AQP10: variants seen among roughly 807,000 people sequenced by gnomAD.
AQP10 encodes the protein aquaporin-10.
AQP10 carries 15 observed loss-of-function variants against 21.0 expected under a neutral mutation model. That is an observed-to-expected ratio of 0.71 (90% CI 0.48 to 1.10). The LOEUF (loss-of-function observed/expected upper bound fraction) is 1.10, where lower values mean the gene tolerates loss of function less well. AQP10 is among the 50% of genes least tolerant of loss of function. AQP10 has a pLI of 0.00. For synonymous variants in AQP10, 143 were observed against 155.7 expected (o/e 0.92, Z 0.61); for missense variants, 268 against 379.5 (o/e 0.71, Z 2.44).
At position 154,321,110 on chromosome 1, in the gene AQP10, C is replaced by T. The variant is rs1685631808; in HGVS notation, c.-46C>T. 2 of 1,511,648 alleles carry T rather than the reference C, an allele frequency of 1.3e-6. No homozygotes were observed. Among genetic ancestry groups the T allele is most frequent in the South Asian group, 2.3e-5 (2 of 85,188 alleles). 93.6% of individuals were successfully genotyped at this position (1,511,648 alleles called of 1,614,324 possible). A position where few individuals can be genotyped will look rare whatever the true frequency, so the allele number is the denominator to read the frequency against. ...CAGTAGCTGTGCAGTGACAGTGTGC[C>T]TATGCAGACAGAGGGAGCAGTGAAT... On this transcript the variant is annotated 5_prime_UTR_variant, in exon 1 of 6. Transcript: ENST00000324978.
At chr1:154,321,874 A>C in intron 1 of AQP10, 59 bp from the exon 2 acceptor site, 1 of 1,605,196 alleles carries the variant, frequency 6.2e-7, no homozygotes, top group Non-Finnish European at 8.5e-7. Flanking sequence ...GGCCTTCCCA[A>C]CCTTTCTCCC....
At chr1:154,322,889 A>C in intron 2 of AQP10, 93 bp from the exon 3 acceptor site, 1 of 1,483,896 alleles carries the variant, frequency 6.7e-7, no homozygotes, top group Non-Finnish European at 9.3e-7. Flanking sequence ...TATCTGCCTT[A>C]AGAGCTATAG....
In AQP10 at chr1:154,323,203, G is replaced by C; in HGVS notation, c.371-38G>C. On this transcript the variant is annotated intron_variant, in intron 3 of 5. Coordinates refer to ENST00000324978, the MANE Select transcript of AQP10 (RefSeq NM_080429.3). This position sits in a 1 kb window ranked among gnomAD's most constrained non-coding sequence, Gnocchi z 4.5. Reference sequence around the variant, plus strand: ...CCTCAGAATGGTTTTGGATGAATGAGCAAAGAGGGAAATCCTGGGTGTTCC... The same window carrying C: ...CCTCAGAATGGTTTTGGATGAATGACCAAAGAGGGAAATCCTGGGTGTTCC... 1 of 1,613,696 alleles carries C rather than the reference G, an allele frequency of 6.2e-7. No individual in the cohort carries two copies. Among genetic ancestry groups the C allele is most frequent in the South Asian group, 1.1e-5 (1 of 91,074 alleles).
chr1:154,322,867 T>A lies in AQP10; in HGVS notation c.233-115T>A, dbSNP rs1448777231. 3.0e-6 allele frequency: 4 copies of A among 1,323,186 alleles called. No individual in the cohort carries two copies. In the East Asian group the frequency reaches 9.4e-5, roughly 31 times the overall value. 82.0% of individuals were successfully genotyped at this position (1,323,186 alleles called of 1,614,324 possible). A position where few individuals can be genotyped will look rare whatever the true frequency, so the allele number is the denominator to read the frequency against. On this transcript the variant is annotated intron_variant, in intron 2 of 5. Coordinates refer to ENST00000324978, the MANE Select transcript of AQP10 (RefSeq NM_080429.3). The stretch of plus-strand genomic sequence containing the variant: ...AGCCTCAATTTCCTAAGCTGTGTGA[T>A]GAGAATTACACTATCTGCCTTAAGA...
At chr1:154,322,118 T>A in intron 2 of AQP10, 59 bp downstream of exon 2, 11 of 1,601,880 alleles carry the variant, frequency 6.9e-6, no homozygotes, top group Non-Finnish European at 9.4e-6. Context: ...AGTTTGTCTG[T>A]CTGGTGATGG....
chr1:154,322,241 T>C (rs1397923886), intron 2 of AQP10, among the ~76,000 whole-genome samples, 182 bp downstream of exon 2: 4 of 152,204 alleles, frequency 2.6e-5, no homozygotes, highest in African/African-American at 9.6e-5. Flanking sequence ...CTCTCCATCC[T>C]GCTTCCTCAC....
intron 2 of AQP10, 93 bp downstream of exon 2, chr1:154,322,152 C>T: frequency 6.5e-7 from 1 of 1,538,446 alleles, no homozygotes; most frequent in Non-Finnish European, 8.8e-7. Context: ...CCTTCTGTGA[C>T]TCGTGGACAT....
In AQP10 at chr1:154,323,291, G is replaced by T. The variant is rs1232986569; in HGVS notation, c.421G>T (p.Glu141Ter). Residue 141 changes from glutamate to a stop codon, truncating the protein, a stop_gained, in exon 4 of 6, where the codon GAG (glutamate) becomes TAG (stop). Coordinates refer to ENST00000324978, the MANE Select transcript of AQP10 (RefSeq NM_080429.3). LOFTEE classifies it high-confidence loss of function. This position sits in a 1 kb window ranked among gnomAD's most constrained non-coding sequence, Gnocchi z 4.5. ...GAACCTGACAGTGACTGGCCCCAAG[G>T]AGACAGCCTCCATTTTTGCCACCTA... ...GGNLTVTGPK[E>*]TASIFATYPA... 1 of 1,614,044 alleles carries T rather than the reference G, an allele frequency of 6.2e-7. No individual in the cohort carries two copies. The highest frequency in any genetic ancestry group is 8.5e-7 in the Non-Finnish European group (1 of 1,180,042).
intron 1 of AQP10, among the ~76,000 whole-genome samples, 187 bp downstream of exon 1, chr1:154,321,447 T>G (rs114603881): frequency 0.023 from 3,526 of 152,350 alleles, 63 homozygotes; most frequent in Non-Finnish European, 0.037. Flanking sequence ...TCTTGTCATT[T>G]TTATTCTTTC....
At chr1:154,321,453 C>A (rs952008220) in intron 1 of AQP10, among the ~76,000 whole-genome samples, 193 bp downstream of exon 1, 3 of 151,984 alleles carry the variant, frequency 2.0e-5, no homozygotes, top group African/African-American at 7.2e-5. Flanking sequence ...CATTTTTATT[C>A]TTTCTTTAAT....
In AQP10 at chr1:154,323,565, C is replaced by T. The variant is rs760289199; in HGVS notation, c.490-24C>T. On this transcript the variant is annotated intron_variant, in intron 4 of 5. Transcript: ENST00000324978. This position sits in a 1 kb window ranked among gnomAD's most constrained non-coding sequence, Gnocchi z 4.5. ...GGAGCACCTGGCAGCTGACAGGGAA[C>T]CCTCTGCCTCTGTTGACTCCAAGGT... 2 of 1,603,340 alleles carry T rather than the reference C, an allele frequency of 1.2e-6. No homozygotes were observed. The highest frequency in any genetic ancestry group is 1.7e-6 in the Non-Finnish European group (2 of 1,171,852).
intron 2 of AQP10, 106 bp from the exon 3 acceptor site, chr1:154,322,876 C>A: frequency 7.1e-7 from 1 of 1,399,626 alleles, no homozygotes; most frequent in East Asian, 2.3e-5. Context: ...ATGAGAATTA[C>A]ACTATCTGCC....
rs767050842 is a variant in AQP10, at chr1:154,323,058, C to T, written c.309C>T (p.Tyr103=). ...TCCCCTGGGTCAAGCTCCCCATTTA[C>T]ATCTTGGTGCAGTTGCTGTCTGCTT... ...GRLPWVKLPI[Y]ILVQLLSAFC... is the part of the protein sequence containing the mutation. The change falls in exon 3 of 6, where the codon TAC becomes TAT. Residue 103 remains tyrosine, a synonymous_variant. Transcript: ENST00000324978. The surrounding 1 kb of genome is among the most constrained non-coding windows in gnomAD (Gnocchi z 4.5). The T allele has an allele frequency of 3.7e-6, 6 of 1,614,188 alleles. No homozygotes were observed. The South Asian group carries it at 4.4e-5, about 12-fold the overall frequency.
In AQP10 at chr1:154,323,999, G is replaced by C; in HGVS notation, c.707+193G>C. The C allele has an allele frequency of 6.9e-7, 1 of 1,446,272 alleles. No individual in the cohort carries two copies. The highest frequency in any genetic ancestry group is 9.1e-7 in the Non-Finnish European group (1 of 1,100,678). 89.6% of individuals were successfully genotyped at this position (1,446,272 alleles called of 1,614,324 possible). A position where few individuals can be genotyped will look rare whatever the true frequency, so the allele number is the denominator to read the frequency against. ...CTTTTCACTGAAACAGTAAGATTTA[G>C]AGGTTGTGTTCTTAGGCATGCCACA... On this transcript the variant is annotated intron_variant, in intron 5 of 5. Transcript: ENST00000324978. This position sits in a 1 kb window ranked among gnomAD's most constrained non-coding sequence, Gnocchi z 4.5.
rs1371879588 is a variant in AQP10, at chr1:154,325,070, G to C, written c.*590G>C. ...TGAGGCACCGTTCCTAGACATCTCG[G>C]TGCTGTGTCGTTCATTCAAGGAGAG... On this transcript the variant is annotated 3_prime_UTR_variant, in exon 6 of 6. Transcript: ENST00000324978. 6.6e-6 allele frequency: 1 copy of C among 152,020 alleles called. No homozygotes were observed. Among genetic ancestry groups the C allele is most frequent in the Non-Finnish European group, 1.5e-5 (1 of 68,014 alleles). 9.4% of individuals were successfully genotyped at this position (152,020 alleles called of 1,614,324 possible).
At position 154,323,678 on chromosome 1, in the gene AQP10, G is replaced by C; in HGVS notation, c.579G>C (p.Val193=). 1 of 1,614,212 alleles carries C rather than the reference G, an allele frequency of 6.2e-7. No homozygotes were observed. Among genetic ancestry groups the C allele is most frequent in the Non-Finnish European group, 8.5e-7 (1 of 1,180,038 alleles). Residue 193 remains valine, a synonymous_variant, in exon 5 of 6, where the codon GTG becomes GTC. Transcript: ENST00000324978. The surrounding 1 kb of genome is among the most constrained non-coding windows in gnomAD (Gnocchi z 4.5). The part of the protein sequence containing the change: ...KGVPAGLEPV[V]VGMLILALGL... The stretch of plus-strand genomic sequence containing the variant: ...TCCCTGCGGGTCTGGAGCCTGTGGT[G>C]GTGGGGATGCTGATCCTGGCCCTCG...
Position 154,324,643 on chromosome 1 carries a change from G to C in AQP10, c.*163G>C. The C allele has an allele frequency of 2.9e-6, 2 of 694,976 alleles. No individual in the cohort carries two copies. The highest frequency in any genetic ancestry group is 3.9e-4 in the Middle Eastern group (1 of 2,550). 43.1% of individuals were successfully genotyped at this position (694,976 alleles called of 1,614,324 possible). The stretch of plus-strand genomic sequence containing the variant: ...CCTAAACTAAGAAGGATCCTGGACA[G>C]GGAGAAGTGGAGGAGGATAAGGTAC... On this transcript the variant is annotated 3_prime_UTR_variant, in exon 6 of 6. Coordinates refer to ENST00000324978, the MANE Select transcript of AQP10 (RefSeq NM_080429.3).
chr1:154,324,626 A>G lies in AQP10; in HGVS notation c.*146A>G. The G allele has an allele frequency of 1.3e-6, 1 of 795,236 alleles. No homozygotes were observed. Among genetic ancestry groups the G allele is most frequent in the East Asian group, 2.9e-5 (1 of 34,376 alleles). The allele number at this position is 795,236 out of a possible 1,614,324, so 49.3% of individuals were successfully genotyped here. On this transcript the variant is annotated 3_prime_UTR_variant, in exon 6 of 6. Coordinates refer to ENST00000324978, the MANE Select transcript of AQP10 (RefSeq NM_080429.3). ...GTTTGGCATCCCTTCCTCCTAAACT[A>G]AGAAGGATCCTGGACAGGGAGAAGT...
intron 2 of AQP10, among the ~76,000 whole-genome samples, chr1:154,322,662 C>A (rs11582383): frequency 6.6e-6 from 1 of 151,980 alleles, no homozygotes; most frequent in Admixed American, 6.6e-5. Flanking sequence ...CCACGCCTGG[C>A]TAATATTTGT....
Sources: allele counts gnomAD v4.1 joint callset (sites outside exome capture counted in the v4.1 genomes callset), GRCh38; gene constraint gnomAD v4.1.1; non-coding constraint Gnocchi (gnomAD v3.1); transcripts MANE v1.5; gene names NCBI Gene and HGNC (gene_info 2026-07-23, HGNC 2026-07-21).